Variants in SRPK1 observed in about 807,000 individuals in gnomAD.
The protein encoded by SRPK1 is SRSF protein kinase 1.
A neutral mutation model predicts 89.5 loss-of-function variants in SRPK1; 52 were observed. The observed-to-expected ratio is 0.58, with a 90% confidence interval of 0.46 to 0.73. The LOEUF is 0.73. SRPK1 is among the 30% of genes least tolerant of loss of function. SRPK1 has a pLI of 0.00. For synonymous variants in SRPK1, 255 were observed against 270.2 expected (o/e 0.94, Z 0.55); for missense variants, 603 against 780.6 (o/e 0.77, Z 2.71).
chr6:35,918,787 G>A (rs539153280), intron 2 of SRPK1, among the ~76,000 whole-genome samples: 40 of 152,264 alleles, frequency 2.6e-4, no homozygotes, highest in Admixed American at 5.9e-4. Flanking sequence ...TAGAAATAAA[G>A]CATATGGTCT....
chr6:35,885,666 T>C (rs1166426951), intron 6 of SRPK1, among the ~76,000 whole-genome samples: 1 of 152,198 alleles, frequency 6.6e-6, no homozygotes, highest in African/African-American at 2.4e-5. Context: ...TGAAATGTCT[T>C]TATACATTTT....
chr6:35,920,180 T>C (rs1164799127), intron 2 of SRPK1: 1 of 549,592 alleles, frequency 1.8e-6, no homozygotes, highest in Non-Finnish European at 3.5e-6. Context: ...GCTAGGGGAG[T>C]TTGTGCCTCC....
chr6:35,901,342 C>G (rs1422531745), intron 2 of SRPK1, among the ~76,000 whole-genome samples: 1 of 152,106 alleles, frequency 6.6e-6, no homozygotes, highest in Non-Finnish European at 1.5e-5. Context: ...AAGAGAAAAT[C>G]TGGATGTAGA....
intron 8 of SRPK1, among the ~76,000 whole-genome samples, chr6:35,871,257 A>AT (rs1413626364): frequency 6.6e-6 from 1 of 152,192 alleles, no homozygotes; most frequent in Non-Finnish European, 1.5e-5. Flanking sequence ...TTAAAATAGA[A>AT]TGGGACAAGC....
chr6:35,836,282 AC>A (rs890676330), intron 15 of SRPK1, among the ~76,000 whole-genome samples: 4 of 150,982 alleles, frequency 2.6e-5, no homozygotes, highest in East Asian at 1.9e-4. Flanking sequence ...TCTCCAAACC[AC>A]CCCCCAACCC....
intron 6 of SRPK1, among the ~76,000 whole-genome samples, chr6:35,881,464 TATAGATATAG>T (rs1390753571): frequency 8.6e-5 from 13 of 151,390 alleles, no homozygotes; most frequent in Non-Finnish European, 1.8e-4. Flanking sequence ...TAGATATAGA[TATAGATATAG>T]ATATAGATCC....
intron 6 of SRPK1, among the ~76,000 whole-genome samples, chr6:35,882,319 A>C (rs890455270): frequency 4.6e-5 from 7 of 151,912 alleles, no homozygotes; most frequent in African/African-American, 1.7e-4. Context: ...TTTTTATTTA[A>C]CAAATCTTTT....
chr6:35,903,563 C>G (rs1159176422), intron 2 of SRPK1, among the ~76,000 whole-genome samples: 1 of 151,588 alleles, frequency 6.6e-6, no homozygotes, highest in African/African-American at 2.4e-5. Context: ...TAGCCTTGTT[C>G]AAAATGCCTA....
At chr6:35,876,476 C>T (rs1358814445) in intron 6 of SRPK1, among the ~76,000 whole-genome samples, 1 of 151,992 alleles carries the variant, frequency 6.6e-6, no homozygotes, top group Non-Finnish European at 1.5e-5. Flanking sequence ...CCTGTCTCTA[C>T]AAGAAAAATC....
chr6:35,920,542 G>C lies in SRPK1; in HGVS notation c.14-14C>G, dbSNP rs765347471. Reference sequence around the variant, plus strand: ...GGAGCGCAAGCACTGCAGGAGAGAGGGATGGATGAAGGGCGAATGTGGAGG... The same window carrying C: ...GGAGCGCAAGCACTGCAGGAGAGAGCGATGGATGAAGGGCGAATGTGGAGG... On this transcript the variant is annotated splice_polypyrimidine_tract_variant and intron_variant, in intron 1 of 15. Transcript: ENST00000373825. 6.2e-7 allele frequency: 1 copy of C among 1,612,498 alleles called. No individual in the cohort carries two copies. Among genetic ancestry groups the C allele is most frequent in the South Asian group, 1.1e-5 (1 of 91,062 alleles).
intron 2 of SRPK1, among the ~76,000 whole-genome samples, chr6:35,892,784 G>A (rs1244585756): frequency 1.3e-5 from 2 of 152,200 alleles, no homozygotes; most frequent in Admixed American, 6.5e-5. Flanking sequence ...TAATTTTTCA[G>A]TATTTATTTA....
intron 2 of SRPK1, among the ~76,000 whole-genome samples, chr6:35,902,039 A>G (rs1218426830): frequency 6.6e-6 from 1 of 152,114 alleles, no homozygotes; most frequent in Non-Finnish European, 1.5e-5. Flanking sequence ...ACACACACAT[A>G]TATATAAATA....
At position 35,917,832 on chromosome 6, in the gene SRPK1, C is replaced by G. The variant is rs661658; in HGVS notation, c.74+2636G>C. Among the ~76,000 whole-genome samples, 117 of 152,152 alleles carry G rather than the reference C, an allele frequency of 7.7e-4. 2 individuals are homozygous for G. In the South Asian group the frequency reaches 0.023, roughly 30 times the overall value. Reference sequence around the variant, plus strand: ...ATCTTTAGGTCCTGATCAGTTTTCACTATGACTGAACTGCCAGTCAGGATA... The same window carrying G: ...ATCTTTAGGTCCTGATCAGTTTTCAGTATGACTGAACTGCCAGTCAGGATA... On this transcript the variant is annotated intron_variant, in intron 2 of 15. Coordinates refer to ENST00000373825, the MANE Select transcript of SRPK1 (RefSeq NM_003137.5).
chr6:35,904,287 T>C (rs1770802420), intron 2 of SRPK1, among the ~76,000 whole-genome samples: 1 of 152,156 alleles, frequency 6.6e-6, no homozygotes, highest in South Asian at 2.1e-4. Flanking sequence ...TGATCTTTGT[T>C]GGTCTTTTTC....
At chr6:35,836,290 ACC>A (rs377322321) in intron 15 of SRPK1, among the ~76,000 whole-genome samples, 2 of 150,162 alleles carry the variant, frequency 1.3e-5, no homozygotes, top group East Asian at 2.0e-4. Context: ...CCACCCCCCA[ACC>A]CCCCCATCCA....
intron 6 of SRPK1, among the ~76,000 whole-genome samples, chr6:35,882,527 A>C (rs1199830844): frequency 1.3e-5 from 2 of 152,006 alleles, no homozygotes; most frequent in Non-Finnish European, 2.9e-5. Context: ...TATGTTACCC[A>C]GGCTGGTCTT....
At chr6:35,918,851 T>C (rs1429237815) in intron 2 of SRPK1, among the ~76,000 whole-genome samples, 2 of 152,250 alleles carry the variant, frequency 1.3e-5, no homozygotes, top group Admixed American at 1.3e-4. Context: ...ATCATCTATA[T>C]ACATTTACCC....
At chr6:35,853,193 C>T (rs1180876795) in intron 13 of SRPK1, among the ~76,000 whole-genome samples, 1 of 151,986 alleles carries the variant, frequency 6.6e-6, no homozygotes, top group Non-Finnish European at 1.5e-5. Flanking sequence ...ATCCCTTGAA[C>T]CCAGGAGTTT....
intron 6 of SRPK1, among the ~76,000 whole-genome samples, chr6:35,876,085 T>TAAAAAAAAAAAA (rs34493292): frequency 1.3e-5 from 1 of 77,646 alleles, no homozygotes; most frequent in Admixed American, 1.6e-4. Context: ...ATTCTTAAAT[T>TAAAAAAAAAAAA]AAAAAAAAAA....
Sources: gnomAD v4.1 joint callset for allele counts (sites outside exome capture counted in the v4.1 genomes callset) on GRCh38, gnomAD v4.1.1 for gene constraint, MANE v1.5 for transcripts, NCBI Gene and HGNC (gene_info 2026-07-23, HGNC 2026-07-21) for gene names.